GNLY: variants seen among roughly 807,000 people sequenced by gnomAD.
GNLY encodes the protein granulysin.
Under a neutral mutation model 18.5 loss-of-function variants are expected in GNLY, and 15 were observed. The observed-to-expected ratio is 0.81, with a 90% confidence interval of 0.54 to 1.25. GNLY has a LOEUF of 1.25. GNLY is among the 50% of genes most tolerant of loss of function. GNLY has a pLI of 0.00. For synonymous variants in GNLY, 77 were observed against 74.9 expected, an observed-to-expected ratio of 1.03 and a Z score of -0.14; for missense variants, 178 against 186.9, an observed-to-expected ratio of 0.95 and a Z score of 0.28.
chr2:85,698,691 C>A lies in GNLY; in HGVS notation c.*117C>A, dbSNP rs1351650978. ...ATCCAGAATCCACTCTCCAGTCTCC[C>A]TCCCCTGACTCCCTCTGCTGTCCTC... On this transcript the variant is annotated 3_prime_UTR_variant, in exon 5 of 5. Coordinates refer to ENST00000263863, the MANE Select transcript of GNLY (RefSeq NM_006433.5). 5 of 1,598,440 alleles carry A rather than the reference C, an allele frequency of 3.1e-6. No homozygotes were observed. In the African/African-American group the frequency reaches 5.4e-5, roughly 17 times the overall value.
At chr2:85,696,132 G>T in intron 3 of GNLY, 76 bp downstream of exon 3, 1 of 779,210 alleles carries the variant, frequency 1.3e-6, no homozygotes, top group South Asian at 1.6e-5. Flanking sequence ...TCGGGGATCG[G>T]GGAGCCCGGG....
Position 85,695,369 on chromosome 2 carries a change from C to A in GNLY, c.102C>A (p.Ala34=). ...LSPEYYDLAR[A]HLRDEEKSCP... ...CTGAGTACTACGACCTGGCAAGAGC[C>A]CACCTGCGTGATGAGGAGAAATCCT... Residue 34 remains alanine, a synonymous_variant, in exon 2 of 5, where the codon GCC becomes GCA. Coordinates refer to ENST00000263863, the MANE Select transcript of GNLY (RefSeq NM_006433.5). 1.2e-6 allele frequency: 2 copies of A among 1,613,954 alleles called. No individual in the cohort carries two copies. Among genetic ancestry groups the A allele is most frequent in the Non-Finnish European group, 1.7e-6 (2 of 1,179,796 alleles).
At chr2:85,695,445 A>G (rs201516984) in intron 2 of GNLY, 22 bp downstream of exon 2, 2 of 1,373,412 alleles carry the variant, frequency 1.5e-6, no homozygotes, top group Non-Finnish European at 2.1e-6. Context: ...CTCTCTGCTC[A>G]CCTGCCACAG....
Position 85,695,322 on chromosome 2 carries a change from C to T in GNLY, c.55C>T (p.Leu19=). The stretch of plus-strand genomic sequence containing the variant: ...AGCTGAAGTCTGGTCTTCCTCAGGT[C>T]TGGTCTTCTCTCGTCTGAGCCCTGA... ...LAAMLLGNPG[L]VFSRLSPEYY... The change falls in exon 2 of 5, where the codon CTG becomes TTG. Residue 19 remains leucine, a splice_region_variant and synonymous_variant. Coordinates refer to ENST00000263863, the MANE Select transcript of GNLY (RefSeq NM_006433.5). 2 of 1,604,574 alleles carry T rather than the reference C, an allele frequency of 1.2e-6. No homozygotes were observed. Among genetic ancestry groups the T allele is most frequent in the Non-Finnish European group, 1.7e-6 (2 of 1,171,256 alleles).
intron 2 of GNLY, 104 bp from the exon 3 acceptor site, chr2:85,695,854 A>C: frequency 1.5e-6 from 1 of 683,852 alleles, no homozygotes; most frequent in Non-Finnish European, 2.6e-6. Flanking sequence ...GAGATCACGG[A>C]CATTCCTGCC....
rs571397536 is a variant in GNLY, at chr2:85,696,324, G to A, written c.255+268G>A. On this transcript the variant is annotated intron_variant, in intron 3 of 4. Transcript: ENST00000263863. ...CTCAAAGAGGGCTTGTCCCAGAGAA[G>A]TTAGGAATCTTCCCCTAAAGCCCTA... 3.5e-5 allele frequency: 14 copies of A among 404,694 alleles called. No individual in the cohort carries two copies. In the South Asian group the frequency reaches 4.7e-4, roughly 13 times the overall value. 25.1% of individuals were successfully genotyped at this position (404,694 alleles called of 1,614,324 possible).
chr2:85,694,639 G>T, intron 1 of GNLY, 169 bp downstream of exon 1: 1 of 1,077,100 alleles, frequency 9.3e-7, no homozygotes, highest in Non-Finnish European at 1.3e-6. Context: ...GCTTAGTCCA[G>T]TGTGCTGCCC....
At chr2:85,694,918 C>T (rs1375939228) in intron 1 of GNLY, 2 of 1,568,072 alleles carry the variant, frequency 1.3e-6, no homozygotes, top group East Asian at 2.4e-5. Context: ...TCTCCCAGGC[C>T]TTGAGGTCAG....
intron 1 of GNLY, 60 bp from the exon 2 acceptor site, chr2:85,695,260 G>T: frequency 8.0e-7 from 1 of 1,244,540 alleles, no homozygotes; most frequent in East Asian, 2.4e-5. Flanking sequence ...CCAGCCAGGA[G>T]AACGGGCTTT....
chr2:85,694,820 C>G (rs1264357359), intron 1 of GNLY: 1 of 1,482,348 alleles, frequency 6.7e-7, no homozygotes, highest in Non-Finnish European at 8.9e-7. Context: ...TTCCTCGGGC[C>G]TACACTGTCT....
At chr2:85,694,558 G>A in intron 1 of GNLY, 88 bp downstream of exon 1, 2 of 1,339,752 alleles carry the variant, frequency 1.5e-6, no homozygotes, top group African/African-American at 1.4e-5. Flanking sequence ...GACTCTGTGG[G>A]CACCCAGGTG....
Position 85,694,406 on chromosome 2 carries a change from CG to C in GNLY, c.-11del. On this transcript the variant is annotated 5_prime_UTR_variant, in exon 1 of 5. Coordinates refer to ENST00000263863, the MANE Select transcript of GNLY (RefSeq NM_006433.5). ...AAACAGGGTGTGAAAGGCATCTCAG[CG>C]GCTGCCCCACCATGGCTACCTGGGC... 1 of 1,613,418 alleles carries C rather than the reference CG, an allele frequency of 6.2e-7. No individual in the cohort carries two copies. The highest frequency in any genetic ancestry group is 8.5e-7 in the Non-Finnish European group (1 of 1,179,398).
intron 4 of GNLY, chr2:85,698,359 C>A (rs747512975): frequency 7.5e-6 from 6 of 801,108 alleles, no homozygotes; most frequent in African/African-American, 3.4e-5. Flanking sequence ...GGGTCCCCAC[C>A]ATTTCCTGTC....
intron 1 of GNLY, 94 bp from the exon 2 acceptor site, chr2:85,695,226 C>T: frequency 1.1e-6 from 1 of 941,180 alleles, no homozygotes; most frequent in Non-Finnish European, 1.7e-6. Flanking sequence ...CTGTCCTAGG[C>T]CCTGGTCACC....
chr2:85,695,178 T>C (rs1678391941), intron 1 of GNLY, 142 bp from the exon 2 acceptor site: 1 of 811,142 alleles, frequency 1.2e-6, no homozygotes, highest in East Asian at 2.7e-5. Flanking sequence ...GGGCAAAGCA[T>C]GTGGACAGGT....
In GNLY at chr2:85,695,365, G is replaced by A. The variant is rs1363125271; in HGVS notation, c.98G>A (p.Arg33Lys). The A allele has an allele frequency of 1.9e-6, 3 of 1,614,032 alleles. No individual in the cohort carries two copies. Among genetic ancestry groups the A allele is most frequent in the South Asian group, 1.1e-5 (1 of 91,082 alleles). Residue 33 changes from arginine (R) to lysine (K), a missense_variant, in exon 2 of 5, where the codon AGA (arginine) becomes AAA (lysine). Coordinates refer to ENST00000263863, the MANE Select transcript of GNLY (RefSeq NM_006433.5). The part of the protein sequence containing the change: ...RLSPEYYDLA[R>K]AHLRDEEKSC... ...AGCCCTGAGTACTACGACCTGGCAA[G>A]AGCCCACCTGCGTGATGAGGAGAAA...
rs1266365841 is a variant in GNLY, at chr2:85,698,656, C to G, written c.*82C>G. On this transcript the variant is annotated 3_prime_UTR_variant, in exon 5 of 5. Coordinates refer to ENST00000263863, the MANE Select transcript of GNLY (RefSeq NM_006433.5). ...ACCTCAGCAACCTCTGCCGGCTCCT[C>G]GCTTCCTCGATCCAGAATCCACTCT... The G allele has an allele frequency of 6.2e-7, 1 of 1,610,690 alleles. No individual in the cohort carries two copies. Among genetic ancestry groups the G allele is most frequent in the East Asian group, 2.2e-5 (1 of 44,856 alleles).
intron 1 of GNLY, 131 bp downstream of exon 1, chr2:85,694,601 T>C (rs780233306): frequency 2.2e-6 from 2 of 918,932 alleles, no homozygotes; most frequent in Admixed American, 3.5e-5. Context: ...TCCCCCGTCA[T>C]GGAGGCCTGG....
chr2:85,694,596 C>T (rs532882027), intron 1 of GNLY, 126 bp downstream of exon 1: 58 of 997,916 alleles, frequency 5.8e-5, no homozygotes, highest in Admixed American at 3.0e-4. Flanking sequence ...CCTTCTCCCC[C>T]GTCATGGAGG....
Sources: allele counts gnomAD v4.1 joint callset, GRCh38; gene constraint gnomAD v4.1.1; transcripts MANE v1.5; gene names NCBI Gene and HGNC (gene_info 2026-07-23, HGNC 2026-07-21).